ERBIN: variants seen among roughly 807,000 people sequenced by gnomAD.
ERBIN encodes the protein densin-180-like protein.
In ERBIN, 60 loss-of-function variants were observed where a neutral mutation model predicts 158.4. The observed-to-expected ratio is 0.38, with a 90% CI of 0.31 to 0.47. The LOEUF is 0.47. Among genes scored for constraint, ERBIN ranks in the 20% least tolerant of loss-of-function variants. The pLI is 0.99. For synonymous variants in ERBIN, 594 were observed against 557.2 expected (o/e 1.07, Z -0.93); for missense variants, 1,610 against 1,648.0 (o/e 0.98, Z 0.40).
intron 4 of ERBIN, among the ~76,000 whole-genome samples, chr5:66,008,147 G>A (rs555297991): frequency 6.6e-6 from 1 of 152,132 alleles, no homozygotes; most frequent in African/African-American, 2.4e-5. Context: ...GGCCAGGCAC[G>A]GTGGCTCACA....
rs142186017 is a variant in ERBIN, at chr5:66,037,659, T to C, written c.1207-724T>C. ...CAAAGAATTAAGTAATAGGGTGACA[T>C]GTGAGGGGAGAATTGGGTAGTTCTC... On this transcript the variant is annotated intron_variant, in intron 14 of 25. Coordinates refer to ENST00000284037, the MANE Select transcript of ERBIN (RefSeq NM_001253697.2). Among the ~76,000 whole-genome samples the C allele has an allele frequency of 1.8e-3, 278 of 152,220 alleles. 1 individual carries two copies. Among genetic ancestry groups the C allele is most frequent in the African/African-American group, 6.4e-3 (264 of 41,550 alleles).
At chr5:65,975,239 C>T (rs1749723238) in intron 1 of ERBIN, among the ~76,000 whole-genome samples, 1 of 150,676 alleles carries the variant, frequency 6.6e-6, no homozygotes. Context: ...AATTCCTGAC[C>T]TCAAGTGATC....
chr5:65,987,461 C>CT (rs1332055225), intron 1 of ERBIN, among the ~76,000 whole-genome samples: 1 of 151,728 alleles, frequency 6.6e-6, no homozygotes, highest in Non-Finnish European at 1.5e-5. Flanking sequence ...ACTCAAGAGG[C>CT]TAAGGCAGGA....
chr5:66,070,121 T>G (rs1036167243), intron 21 of ERBIN, among the ~76,000 whole-genome samples: 1 of 152,118 alleles, frequency 6.6e-6, no homozygotes, highest in African/African-American at 2.4e-5. Flanking sequence ...CTCAGCTCAC[T>G]GCAACCTCCG....
intron 1 of ERBIN, among the ~76,000 whole-genome samples, chr5:65,985,930 A>G (rs1751178060): frequency 6.6e-6 from 1 of 151,166 alleles, no homozygotes; most frequent in African/African-American, 2.4e-5. Flanking sequence ...CCTCCTTGAA[A>G]CTTTTTTTTT....
At chr5:66,003,284 A>G (rs1753194370) in intron 4 of ERBIN, among the ~76,000 whole-genome samples, 1 of 152,156 alleles carries the variant, frequency 6.6e-6, no homozygotes, top group African/African-American at 2.4e-5. Context: ...CTGCAGTTAA[A>G]CAGTTTGTGT....
At chr5:65,998,732 A>C (rs905489652) in intron 4 of ERBIN, among the ~76,000 whole-genome samples, 1 of 151,930 alleles carries the variant, frequency 6.6e-6, no homozygotes. Context: ...CCTTGTTTCT[A>C]CAAAAAATCA....
chr5:66,060,462 C>T (rs1366338697), intron 21 of ERBIN, among the ~76,000 whole-genome samples: 1 of 152,116 alleles, frequency 6.6e-6, no homozygotes, highest in Non-Finnish European at 1.5e-5. Context: ...AGCAGTCTAT[C>T]AATTCTGTTG....
Position 66,053,399 on chromosome 5 carries a change from A to G in ERBIN, c.2088-7A>G. The stretch of plus-strand genomic sequence containing the variant: ...TTATGTTTTTCATAAAATTATCTTT[A>G]TTTTAGGCAAGAAGATGAAAATTTT... On this transcript the variant is annotated splice_polypyrimidine_tract_variant and splice_region_variant and intron_variant, in intron 20 of 25. Transcript: ENST00000284037. The G allele has an allele frequency of 7.0e-7, 1 of 1,419,926 alleles. No homozygotes were observed. The highest frequency in any genetic ancestry group is 9.3e-7 in the Non-Finnish European group (1 of 1,075,012). 88.0% of individuals were successfully genotyped at this position (1,419,926 alleles called of 1,614,324 possible).
chr5:65,942,782 G>A (rs1357819663), intron 1 of ERBIN, among the ~76,000 whole-genome samples: 1 of 152,032 alleles, frequency 6.6e-6, no homozygotes, highest in Non-Finnish European at 1.5e-5. Flanking sequence ...AAAATTAGCC[G>A]GGTGTGGTTG....
Position 66,082,343 on chromosome 5 carries a change from C to T in ERBIN, c.*3813C>T, listed in dbSNP as rs1762419699. On this transcript the variant is annotated 3_prime_UTR_variant, in exon 26 of 26. Coordinates refer to ENST00000284037, the MANE Select transcript of ERBIN (RefSeq NM_001253697.2). ...AGAGAGGCTGACAAAAAGAATCCTT[C>T]TGTTACAACTTTCTTTTCTAATGTA... 6.6e-6 allele frequency: 1 copy of T among 152,194 alleles called. No individual in the cohort carries two copies. The highest frequency in any genetic ancestry group is 6.5e-5 in the Admixed American group (1 of 15,276). 9.4% of individuals were successfully genotyped at this position (152,194 alleles called of 1,614,324 possible).
chr5:66,056,774 AG>A lies in ERBIN; in HGVS notation c.3633+1827del, dbSNP rs773396457. Among the ~76,000 whole-genome samples, 11 of 152,218 alleles carry A rather than the reference AG, an allele frequency of 7.2e-5. 1 individual carries two copies. The East Asian group carries it at 2.1e-3, about 29-fold the overall frequency. ...AAGGATATCATACTTTGAAGTTACGAGGGGTGCTTGTTCTCTCATCATTTGC... is the reference window on the plus strand; with the variant it reads ...AAGGATATCATACTTTGAAGTTACGAGGGTGCTTGTTCTCTCATCATTTGC... On this transcript the variant is annotated intron_variant, in intron 21 of 25. Coordinates refer to ENST00000284037, the MANE Select transcript of ERBIN (RefSeq NM_001253697.2).
At chr5:66,072,595 G>A (rs1229565790) in intron 22 of ERBIN, among the ~76,000 whole-genome samples, 2 of 152,100 alleles carry the variant, frequency 1.3e-5, no homozygotes, top group Non-Finnish European at 2.9e-5. Flanking sequence ...ATTCCTGATA[G>A]TAAAACTATT....
intron 21 of ERBIN, 63 bp downstream of exon 21, chr5:66,055,014 T>C: frequency 9.6e-6 from 14 of 1,460,938 alleles, no homozygotes; most frequent in Admixed American, 2.6e-5. Flanking sequence ...TTAAAAATGA[T>C]GAAACAAGAT....
chr5:65,941,853 G>T (rs1745090548), intron 1 of ERBIN, among the ~76,000 whole-genome samples: 1 of 151,948 alleles, frequency 6.6e-6, no homozygotes, highest in Admixed American at 6.6e-5. Flanking sequence ...CCATTCTCCT[G>T]CCCCAGCCTC....
intron 1 of ERBIN, among the ~76,000 whole-genome samples, chr5:65,981,125 CAA>C (rs942218509): frequency 6.6e-6 from 1 of 151,984 alleles, no homozygotes; most frequent in Non-Finnish European, 1.5e-5. Flanking sequence ...AAATCAGTAA[CAA>C]AATGAGGTTT....
Position 66,051,065 on chromosome 5 carries a change from A to G in ERBIN, c.2087+99A>G, listed in dbSNP as rs1758972972. ...ATATATAGGGTTTAATAAATATTAT[A>G]GAAGTGGTTCCAGTAATATGTTTTA... On this transcript the variant is annotated intron_variant, in intron 20 of 25. Transcript: ENST00000284037. 4 of 723,726 alleles carry G rather than the reference A, an allele frequency of 5.5e-6. No individual in the cohort carries two copies. The South Asian group carries it at 8.7e-5, about 16-fold the overall frequency. 44.8% of individuals were successfully genotyped at this position (723,726 alleles called of 1,614,324 possible). A position where few individuals can be genotyped will look rare whatever the true frequency, so the allele number is the denominator to read the frequency against.
At chr5:65,984,889 T>C (rs1167773610) in intron 1 of ERBIN, 1 of 150,922 alleles carries the variant, frequency 6.6e-6, no homozygotes, top group Non-Finnish European at 1.5e-5. Context: ...AAATAGAAGA[T>C]GTGCTGTATT....
At chr5:65,986,144 AG>A (rs1237633251) in intron 1 of ERBIN, among the ~76,000 whole-genome samples, 1 of 152,158 alleles carries the variant, frequency 6.6e-6, no homozygotes, top group Non-Finnish European at 1.5e-5. Context: ...ACCATCTATA[AG>A]CAGATGACTT....
Sources: gnomAD v4.1 joint callset for allele counts (sites outside exome capture counted in the v4.1 genomes callset) on GRCh38, gnomAD v4.1.1 for gene constraint, MANE v1.5 for transcripts, NCBI Gene and HGNC (gene_info 2026-07-23, HGNC 2026-07-21) for gene names.